WWOX: variants seen among roughly 807,000 people sequenced by gnomAD.
WWOX encodes WW domain containing oxidoreductase.
A neutral mutation model predicts 46.2 loss-of-function variants in WWOX; 69 were observed. The observed-to-expected ratio is 1.49, with a 90% confidence interval of 1.23 to 1.82. The LOEUF (loss-of-function observed/expected upper bound fraction) is 1.82, where lower values mean the gene tolerates loss of function less well. WWOX is among the 40% of genes most tolerant of loss of function. The pLI, the probability that WWOX is intolerant of heterozygous loss-of-function variation, is 0.00. For missense variants in WWOX, 919 were observed against 542.6 expected, an observed-to-expected ratio of 1.69 and a Z score of -6.89; for synonymous variants, 359 against 202.6, an observed-to-expected ratio of 1.77 and a Z score of -6.56.
intron 8 of WWOX, among the ~76,000 whole-genome samples, chr16:78,772,917 C>T (rs932751269): frequency 1.3e-5 from 2 of 152,028 alleles, no homozygotes; most frequent in Non-Finnish European, 2.9e-5. Context: ...CCCAATTACT[C>T]AGGAGGTGGA....
chr16:78,822,561 A>G (rs187946937), intron 8 of WWOX, among the ~76,000 whole-genome samples: 45 of 152,304 alleles, frequency 3.0e-4, no homozygotes, highest in African/African-American at 1.0e-3. Context: ...ATCCCCACCT[A>G]GAATTCTAAA....
chr16:78,208,763 A>G (rs1220885732), intron 5 of WWOX, among the ~76,000 whole-genome samples: 1 of 152,196 alleles, frequency 6.6e-6, no homozygotes, highest in Non-Finnish European at 1.5e-5. Context: ...ATATCTTTGT[A>G]ATGTTTATTT....
At chr16:78,563,897 C>T (rs966925474) in intron 8 of WWOX, among the ~76,000 whole-genome samples, 1 of 152,170 alleles carries the variant, frequency 6.6e-6, no homozygotes, top group East Asian at 1.9e-4. Context: ...ACCAGGATGG[C>T]ATGAAACTTG....
chr16:78,133,055 G>C (rs2033658444), intron 4 of WWOX, among the ~76,000 whole-genome samples: 1 of 152,124 alleles, frequency 6.6e-6, no homozygotes, highest in South Asian at 2.1e-4. Flanking sequence ...TTCTTATTAT[G>C]TAAAATGGAA....
At chr16:78,349,713 A>T (rs9646316) in intron 5 of WWOX, among the ~76,000 whole-genome samples, 29,288 of 117,444 alleles carry the variant, frequency 0.25, 9,486 homozygotes, top group South Asian at 0.44. Flanking sequence ...CAATTGTTTC[A>T]GTGATTGAAA....
chr16:78,485,635 G>A (rs1003181647), intron 8 of WWOX, among the ~76,000 whole-genome samples: 2 of 152,186 alleles, frequency 1.3e-5, no homozygotes, highest in African/African-American at 2.4e-5. Context: ...TGTTGAAAGA[G>A]CACTGCCCGC....
intron 5 of WWOX, among the ~76,000 whole-genome samples, chr16:78,200,308 C>A (rs902703427): frequency 6.6e-6 from 1 of 151,532 alleles, no homozygotes; most frequent in Non-Finnish European, 1.5e-5. Flanking sequence ...TTCCTTTCCC[C>A]CTGCTGACAG....
intron 8 of WWOX, among the ~76,000 whole-genome samples, chr16:78,930,271 C>CCTTCCTTCCTTCCT (rs2045593779): frequency 1.7e-5 from 2 of 115,468 alleles, no homozygotes; most frequent in African/African-American, 7.1e-5. Context: ...TCCTTCCTTT[C>CCTTCCTTCCTTCCT]TCTCTTTCTT....
intron 8 of WWOX, among the ~76,000 whole-genome samples, chr16:78,445,645 G>A (rs1174326156): frequency 6.6e-6 from 1 of 152,214 alleles, no homozygotes; most frequent in Non-Finnish European, 1.5e-5. Context: ...ACAGGCTGAG[G>A]TGGGCTGGAT....
At chr16:79,070,681 G>C (rs980279762) in intron 8 of WWOX, among the ~76,000 whole-genome samples, 1 of 152,186 alleles carries the variant, frequency 6.6e-6, no homozygotes. Context: ...CAACAATCCA[G>C]GAGCTGGCTT....
At chr16:78,376,945 T>C (rs368337239) in intron 5 of WWOX, among the ~76,000 whole-genome samples, 8 of 152,224 alleles carry the variant, frequency 5.3e-5, no homozygotes, top group South Asian at 2.1e-4. Context: ...ATCTTGTTTT[T>C]GTCTTTTTAT....
chr16:78,330,439 C>T (rs906026331), intron 5 of WWOX, among the ~76,000 whole-genome samples: 1 of 151,742 alleles, frequency 6.6e-6, no homozygotes, highest in Non-Finnish European at 1.5e-5. Flanking sequence ...GCTCTGTTGC[C>T]AGGCTATAGT....
intron 8 of WWOX, among the ~76,000 whole-genome samples, chr16:78,817,319 C>T (rs2051360325): frequency 6.6e-6 from 1 of 151,612 alleles, no homozygotes; most frequent in African/African-American, 2.4e-5. Context: ...CTGATTAATG[C>T]ATCTTATTAC....
chr16:78,499,667 A>G (rs1394489621), intron 8 of WWOX, among the ~76,000 whole-genome samples: 1 of 151,992 alleles, frequency 6.6e-6, no homozygotes, highest in African/African-American at 2.4e-5. Flanking sequence ...TCTCTTCCCT[A>G]TTAGGCTTTG....
At chr16:78,637,694 G>A (rs78204659) in intron 8 of WWOX, among the ~76,000 whole-genome samples, 163 of 152,306 alleles carry the variant, frequency 1.1e-3, no homozygotes, top group African/African-American at 3.9e-3. Context: ...AGAGCTAAGC[G>A]CGGAGTAGGT....
At chr16:78,925,678 C>G (rs953901772) in intron 8 of WWOX, among the ~76,000 whole-genome samples, 1 of 152,166 alleles carries the variant, frequency 6.6e-6, no homozygotes, top group Admixed American at 6.5e-5. Context: ...TTGCATGTAT[C>G]TTTTGCCAAG....
intron 8 of WWOX, among the ~76,000 whole-genome samples, chr16:79,177,645 T>A (rs1360544728): frequency 2.6e-5 from 4 of 152,108 alleles, no homozygotes; most frequent in African/African-American, 9.7e-5. Flanking sequence ...TGGACTAAGG[T>A]TTCTCAATGT....
chr16:78,639,054 AAC>A (rs1290250247), intron 8 of WWOX, among the ~76,000 whole-genome samples: 1 of 152,146 alleles, frequency 6.6e-6, no homozygotes, highest in East Asian at 1.9e-4. Context: ...GATGAACAGA[AAC>A]ACACTTTAGT....
At chr16:78,347,936 T>C (rs1247477570) in intron 5 of WWOX, among the ~76,000 whole-genome samples, 1 of 122,500 alleles carries the variant, frequency 8.2e-6, no homozygotes, top group African/African-American at 2.8e-5. Flanking sequence ...TTATTCTGTT[T>C]AACGGTATGA....
Sources: allele counts gnomAD v4.1 joint callset (sites outside exome capture counted in the v4.1 genomes callset), GRCh38; gene constraint gnomAD v4.1.1; transcripts MANE v1.5; gene names NCBI Gene and HGNC (gene_info 2026-07-23, HGNC 2026-07-21).